The following PPP1R36 variants were observed in gnomAD, a reference collection of about 807,000 sequenced individuals.
PPP1R36 encodes the protein protein phosphatase 1 regulatory subunit 36.
In PPP1R36, 47 loss-of-function variants were observed where a neutral mutation model predicts 53.4. The ratio of observed to expected loss-of-function variants is 0.88; its 90% CI spans 0.70 to 1.12. The LOEUF is 1.12. PPP1R36 is among the 50% of genes most tolerant of loss of function. PPP1R36 has a pLI of 0.00. For synonymous variants in PPP1R36, 153 were observed against 170.5 expected (o/e 0.90, Z 0.80); for missense variants, 456 against 513.9 (o/e 0.89, Z 1.09).
chr14:64,550,002 A>T lies in PPP1R36; in HGVS notation c.5A>T (p.Tyr2Phe), dbSNP rs147817006. The change falls in exon 1 of 12, where the codon TAC becomes TTC. Residue 2 changes from tyrosine to phenylalanine, a missense_variant. Transcript: ENST00000298705. M[Y>F]RVPEFYARRK... is the part of the protein sequence containing the mutation. The stretch of plus-strand genomic sequence containing the variant: ...TATGGCTTCCAGGGCGAGGCCATGT[A>T]CCGGGTGCCCGAGTTTTATGCGAGG... The T allele has an allele frequency of 3.2e-6, 5 of 1,569,644 alleles. No homozygotes were observed. The African/African-American group carries it at 6.8e-5, about 21-fold the overall frequency.
chr14:64,574,526 A>C lies in PPP1R36; in HGVS notation c.605A>C (p.Gln202Pro). ...ELEAAQRYLA[Q>P]KYCILVLGLA... ...GAAGCAGCACAGAGGTACTTGGCGCAGAAGTACTGTATCCTTGTGCTGGGC... is the reference window on the plus strand; with the variant it reads ...GAAGCAGCACAGAGGTACTTGGCGCCGAAGTACTGTATCCTTGTGCTGGGC... Residue 202 changes from glutamine to proline, a missense_variant, in exon 8 of 12, where the codon CAG becomes CCG. Gln to Pro is a moderately conservative substitution (Grantham distance 76). Coordinates refer to ENST00000298705, the MANE Select transcript of PPP1R36 (RefSeq NM_172365.3). 1 of 1,614,068 alleles carries C rather than the reference A, an allele frequency of 6.2e-7. No homozygotes were observed. The highest frequency in any genetic ancestry group is 8.5e-7 in the Non-Finnish European group (1 of 1,179,926).
chr14:64,550,254 A>G, intron 1 of PPP1R36, 188 bp downstream of exon 1: 1 of 1,381,554 alleles, frequency 7.2e-7, no homozygotes, highest in Non-Finnish European at 9.3e-7. Flanking sequence ...TATTTGACAG[A>G]TGGTCAGAAT....
At chr14:64,552,431 G>A (rs983755494) in intron 2 of PPP1R36, among the ~76,000 whole-genome samples, 44 of 152,210 alleles carry the variant, frequency 2.9e-4, no homozygotes, top group African/African-American at 1.0e-3. Flanking sequence ...AGAGGTTGCA[G>A]TGAGCCAAGA....
chr14:64,588,063 A>G, intron 10 of PPP1R36, 41 bp from the exon 11 acceptor site: 1 of 1,534,048 alleles, frequency 6.5e-7, no homozygotes, highest in Non-Finnish European at 8.8e-7. Flanking sequence ...TTTCTAGAAA[A>G]CAGGGTGATA....
At chr14:64,552,965 T>C in intron 3 of PPP1R36, 104 bp downstream of exon 3, 1 of 1,107,706 alleles carries the variant, frequency 9.0e-7, no homozygotes, top group South Asian at 1.4e-5. Context: ...TGTATAAATA[T>C]TAAGTGCCAA....
At chr14:64,589,007 G>C in intron 11 of PPP1R36, 145 bp from the exon 12 acceptor site, 1 of 576,576 alleles carries the variant, frequency 1.7e-6, no homozygotes, top group Non-Finnish European at 2.9e-6. Flanking sequence ...AACAGGGAAA[G>C]TTTTTAAAAA....
At chr14:64,562,592 T>A (rs2080213782) in intron 3 of PPP1R36, among the ~76,000 whole-genome samples, 1 of 152,162 alleles carries the variant, frequency 6.6e-6, no homozygotes, top group Admixed American at 6.5e-5. Flanking sequence ...AGCTAGAGAA[T>A]GACTTCAGTG....
At chr14:64,565,598 C>T in intron 5 of PPP1R36, 28 bp from the exon 6 acceptor site, 1 of 1,595,810 alleles carries the variant, frequency 6.3e-7, no homozygotes, top group Non-Finnish European at 8.6e-7. Flanking sequence ...CTTTGTCCCT[C>T]TCTCAATTGT....
chr14:64,586,486 G>A (rs1468655611), intron 8 of PPP1R36: 4 of 189,092 alleles, frequency 2.1e-5, no homozygotes, highest in Non-Finnish European at 4.3e-5. Context: ...CTTTATTGCA[G>A]ACTTACCCTC....
chr14:64,552,260 G>C (rs1432186304), intron 2 of PPP1R36, among the ~76,000 whole-genome samples: 1 of 152,052 alleles, frequency 6.6e-6, no homozygotes, highest in Non-Finnish European at 1.5e-5. Flanking sequence ...AGGCTGAGGC[G>C]GGCAGATCAC....
chr14:64,550,323 C>G (rs2080084359), intron 1 of PPP1R36: 1 of 1,296,722 alleles, frequency 7.7e-7, no homozygotes, highest in African/African-American at 1.5e-5. Flanking sequence ...CTCACCACCT[C>G]TAATTGGTTG....
At position 64,589,199 on chromosome 14, in the gene PPP1R36, T is replaced by C; in HGVS notation, c.1130T>C (p.Leu377Pro). ...EPRCLFNPHT[L>P]HPLDPEENTK... ...CGATGTCTATTCAACCCACATACGC[T>C]TCACCCCCTTGATCCAGAAGAAAAC... Residue 377 changes from leucine to proline, a missense_variant, in exon 12 of 12, where the codon CTT (leucine) becomes CCT (proline). Physicochemically the swap from Leu to Pro is moderately conservative, Grantham distance 98. Transcript: ENST00000298705. 3.1e-6 allele frequency: 5 copies of C among 1,614,012 alleles called. No individual in the cohort carries two copies. Among genetic ancestry groups the C allele is most frequent in the Non-Finnish European group, 3.4e-6 (4 of 1,179,986 alleles).
chr14:64,564,590 C>A (rs981623930), intron 3 of PPP1R36, among the ~76,000 whole-genome samples, 161 bp from the exon 4 acceptor site: 4 of 152,140 alleles, frequency 2.6e-5, no homozygotes, highest in African/African-American at 9.7e-5. Flanking sequence ...TTAATTTTTT[C>A]TCTAGATAAG....
intron 7 of PPP1R36, among the ~76,000 whole-genome samples, chr14:64,573,788 C>T (rs1392793029): frequency 1.3e-5 from 2 of 151,224 alleles, no homozygotes; most frequent in East Asian, 3.9e-4. Flanking sequence ...TGGTAGGCAC[C>T]TGTAATCCCA....
intron 8 of PPP1R36, among the ~76,000 whole-genome samples, chr14:64,582,491 A>G (rs2080396598): frequency 6.6e-6 from 1 of 152,236 alleles, no homozygotes; most frequent in Admixed American, 6.5e-5. Context: ...TGTGTCCTCA[A>G]ACATGGAATG....
chr14:64,553,823 TAAAAAA>T (rs11441855), intron 3 of PPP1R36, among the ~76,000 whole-genome samples: 124 of 82,584 alleles, frequency 1.5e-3, no homozygotes, highest in African/African-American at 4.5e-3. Flanking sequence ...AAGTTATAAC[TAAAAAA>T]AAAAAAAAAA....
chr14:64,558,489 G>A (rs1322798690), intron 3 of PPP1R36, among the ~76,000 whole-genome samples: 1 of 151,950 alleles, frequency 6.6e-6, no homozygotes, highest in East Asian at 1.9e-4. Context: ...TGAGGTGGGA[G>A]GATCACTTGA....
intron 8 of PPP1R36, among the ~76,000 whole-genome samples, chr14:64,584,900 T>C (rs2080418953): frequency 6.6e-6 from 1 of 152,236 alleles, no homozygotes; most frequent in Non-Finnish European, 1.5e-5. Flanking sequence ...ACCCGGCACA[T>C]AGTCCATACT....
intron 8 of PPP1R36, among the ~76,000 whole-genome samples, chr14:64,582,708 T>G (rs2080398637): frequency 6.6e-6 from 1 of 152,184 alleles, no homozygotes; most frequent in South Asian, 2.1e-4. Context: ...TGGATAAAAT[T>G]TATTATTAAA....
Sources: allele counts gnomAD v4.1 joint callset (sites outside exome capture counted in the v4.1 genomes callset), GRCh38; gene constraint gnomAD v4.1.1; transcripts MANE v1.5; gene names NCBI Gene and HGNC (gene_info 2026-07-23, HGNC 2026-07-21).